EFCAB6: variants seen among roughly 807,000 people sequenced by gnomAD.
The protein encoded by EFCAB6 is EF-hand calcium-binding domain-containing protein 6.
In EFCAB6, 156 loss-of-function variants were observed where a neutral mutation model predicts 169.8. That is an observed-to-expected ratio of 0.92 (90% confidence interval 0.81 to 1.05). The LOEUF (loss-of-function observed/expected upper bound fraction) is 1.05. EFCAB6 is among the 50% of genes least tolerant of loss of function. EFCAB6 has a pLI of 0.00. For missense variants in EFCAB6, 1,800 were observed against 1,829.1 expected (o/e 0.98, Z 0.29); for synonymous variants, 698 against 676.4 (o/e 1.03, Z -0.50).
chr22:43,615,921 G>C lies in EFCAB6; in HGVS notation c.2467C>G (p.Pro823Ala). 1 of 1,610,862 alleles carries C rather than the reference G, an allele frequency of 6.2e-7. No homozygotes were observed. Reference protein sequence around the residue: ...TDEAPQRLIRPKQKVADSELA... With the variant: ...TDEAPQRLIRAKQKVADSELA... ...TCTGAATCCGCAACCTTCTGTTTTG[G>C]TCTTAAAAGAAAAAAAATAATAAAT... is the stretch of plus-strand genomic sequence containing the variant. Residue 823 changes from proline to alanine, a missense_variant and splice_region_variant, in exon 21 of 32, where the codon CCA becomes GCA. Transcript: ENST00000262726.
rs1476124724 is a variant in EFCAB6, at chr22:43,580,572, G to C, written c.3120C>G (p.Pro1040=). ...VENSKSTGAQ[P]KEKEESMPIN... ...TTGGCATGCTCTCTTCTTTTTCCTT[G>C]GGCTGAGCTCCTGTTGACTTGCTGT... is the stretch of plus-strand genomic sequence containing the variant. Residue 1040 remains proline, a synonymous_variant, in exon 25 of 32, where the codon CCC becomes CCG. Coordinates refer to ENST00000262726, the MANE Select transcript of EFCAB6 (RefSeq NM_022785.4). 1.2e-6 allele frequency: 2 copies of C among 1,613,910 alleles called. No individual in the cohort carries two copies. Among genetic ancestry groups the C allele is most frequent in the Non-Finnish European group, 1.7e-6 (2 of 1,180,014 alleles).
rs141856985 is a variant in EFCAB6 at position 43,667,168 on chromosome 22, T to C, written c.1919A>G (p.Lys640Arg). Residue 640 changes from lysine to arginine, a missense_variant, in exon 17 of 32, where the codon AAA becomes AGA. Physicochemically the swap from Lys to Arg is conservative, Grantham distance 26. Coordinates refer to ENST00000262726, the MANE Select transcript of EFCAB6 (RefSeq NM_022785.4). The stretch of plus-strand genomic sequence containing the variant: ...CTTGCTGAAGTCAAGAAATCGTTTT[T>C]TGAATGCCGGGTCCTGCTGCTGTAT... Reference protein sequence around the residue: ...KCIQQQDPAFKKRFLDFSKEP... With the variant: ...KCIQQQDPAFRKRFLDFSKEP... The C allele has an allele frequency of 1.4e-3, 2,219 of 1,614,198 alleles. 7 individuals carry two copies. The highest frequency in any genetic ancestry group is 2.9e-3 in the South Asian group (260 of 91,080).
At chr22:43,620,047 A>G (rs5764161) in intron 20 of EFCAB6, among the ~76,000 whole-genome samples, 113,424 of 152,172 alleles carry the variant, frequency 0.75, 42,415 homozygotes, top group Admixed American at 0.81. Context: ...GTCTGGCGCA[A>G]TGGCTCATGC....
rs1010525165 is a variant in EFCAB6, at chr22:43,598,617, T to C, written c.2876+1452A>G. On this transcript the variant is annotated intron_variant, in intron 23 of 31. Coordinates refer to ENST00000262726, the MANE Select transcript of EFCAB6 (RefSeq NM_022785.4). ...ATATTTCAAAGTAGCTAGATTTAATTGTATATTTAAAAATATCTAAAAGAG... is the reference window on the plus strand; with the variant it reads ...ATATTTCAAAGTAGCTAGATTTAATCGTATATTTAAAAATATCTAAAAGAG... Among the ~76,000 whole-genome samples the C allele has an allele frequency of 2.0e-5, 3 of 152,300 alleles. No homozygotes were observed. In the South Asian group the frequency reaches 6.2e-4, roughly 32 times the overall value.
intron 23 of EFCAB6, among the ~76,000 whole-genome samples, chr22:43,594,371 C>T (rs545354799): frequency 2.6e-4 from 39 of 150,988 alleles, no homozygotes; most frequent in Non-Finnish European, 5.0e-4. Context: ...AAAAACAAGA[C>T]CCAACTATAT....
rs1361382342 is a variant in EFCAB6 at position 43,772,989 on chromosome 22, C to A, written c.254G>T (p.Gly85Val). The A allele has an allele frequency of 4.3e-6, 7 of 1,614,096 alleles. No homozygotes were observed. The Admixed American group carries it at 1.2e-4, about 27-fold the overall frequency. The change falls in exon 4 of 32, where the codon GGT (glycine) becomes GTT (valine). Residue 85 changes from glycine (G) to valine (V), a missense_variant. Transcript: ENST00000262726. ...ACTTTTTGACACAGTCAAGTTCTGA[C>A]CAGTATCCAGCAGCTGAAAGGCTTT... Reference protein sequence around the residue: ...LQKAFQLLDTGQNLTVSKSEL... With the variant: ...LQKAFQLLDTVQNLTVSKSEL...
At chr22:43,770,004 G>T (rs1388482954) in intron 4 of EFCAB6, among the ~76,000 whole-genome samples, 2 of 152,012 alleles carry the variant, frequency 1.3e-5, no homozygotes, top group African/African-American at 2.4e-5. Flanking sequence ...ACAGGCATGT[G>T]CCACCATGTC....
At position 43,667,143 on chromosome 22, in the gene EFCAB6, CT is replaced by C. The variant is rs1174723403; in HGVS notation, c.1943del (p.Lys648ArgfsTer31). 2.5e-6 allele frequency: 4 copies of C among 1,613,952 alleles called. No homozygotes were observed. Among genetic ancestry groups the C allele is most frequent in the Non-Finnish European group, 3.4e-6 (4 of 1,180,006 alleles). On this transcript the variant is annotated frameshift_variant, in exon 17 of 32. Transcript: ENST00000262726. LOFTEE classifies it high-confidence loss of function. ...AFKKRFLDFS[K>X]EPNGKINVHD... is the part of the protein sequence containing the mutation. The stretch of plus-strand genomic sequence containing the variant: ...GCACGTTAATTTTTCCATTAGGCTC[CT>C]TGCTGAAGTCAAGAAATCGTTTTTT...
chr22:43,678,205 A>AC, intron 12 of EFCAB6, 42 bp from the exon 13 acceptor site: 1 of 1,563,438 alleles, frequency 6.4e-7, no homozygotes, highest in Non-Finnish European at 8.6e-7. Context: ...TGAAAAAAAA[A>AC]AAAAAAGGAA....
At chr22:43,576,517 G>C in intron 25 of EFCAB6, 29 bp from the exon 26 acceptor site, 1 of 1,497,128 alleles carries the variant, frequency 6.7e-7, no homozygotes, top group Non-Finnish European at 8.9e-7. Flanking sequence ...AAAAAAGATG[G>C]CAAATCCTGT....
chr22:43,635,015 C>G, intron 18 of EFCAB6, 87 bp downstream of exon 18: 1 of 1,026,682 alleles, frequency 9.7e-7, no homozygotes, highest in Non-Finnish European at 1.5e-6. Context: ...GCTACTTCAA[C>G]CCGAGTGGCC....
rs201695712 is a variant in EFCAB6, at chr22:43,580,625, A to G, written c.3067T>C (p.Tyr1023His). Residue 1023 changes from tyrosine to histidine, a missense_variant, in exon 25 of 32, where the codon TAC becomes CAC. Tyr to His is a moderately conservative substitution (Grantham distance 83). Transcript: ENST00000262726. The part of the protein sequence containing the change: ...GVSRHDNAIN[Y>H]LDFLRAVENS... ...TCCACTGCTCTCAGGAAGTCGAGGT[A>G]ATTGATAGCATTATCATGCCGGCTG... 3.1e-6 allele frequency: 5 copies of G among 1,614,170 alleles called. No homozygotes were observed. The highest frequency in any genetic ancestry group is 1.7e-5 in the Admixed American group (1 of 60,022).
At position 43,582,242 on chromosome 22, in the gene EFCAB6, G is replaced by A. The variant is rs185271096; in HGVS notation, c.3033-1583C>T. On this transcript the variant is annotated intron_variant, in intron 24 of 31. Coordinates refer to ENST00000262726, the MANE Select transcript of EFCAB6 (RefSeq NM_022785.4). ...ATTCATTGAATGCATATGAATTCTT[G>A]TTCAGCTGGAAATAGATTCAGTGAA... is the stretch of plus-strand genomic sequence containing the variant. Among the ~76,000 whole-genome samples, 3 of 152,074 alleles carry A rather than the reference G, an allele frequency of 2.0e-5. No homozygotes were observed. The East Asian group carries it at 5.8e-4, about 29-fold the overall frequency.
intron 4 of EFCAB6, among the ~76,000 whole-genome samples, chr22:43,768,584 C>T (rs1394492717): frequency 6.6e-6 from 1 of 152,184 alleles, no homozygotes; most frequent in Non-Finnish European, 1.5e-5. Context: ...CACACTCCAG[C>T]CTCCTTGATT....
At chr22:43,665,232 C>T (rs2148188094) in intron 17 of EFCAB6, among the ~76,000 whole-genome samples, 1 of 152,244 alleles carries the variant, frequency 6.6e-6, no homozygotes, top group East Asian at 1.9e-4. Context: ...GGGACATGAA[C>T]TCAGGAGACG....
chr22:43,699,718 C>T (rs1040838504), intron 10 of EFCAB6, among the ~76,000 whole-genome samples: 1 of 152,160 alleles, frequency 6.6e-6, no homozygotes, highest in African/African-American at 2.4e-5. Flanking sequence ...TCCAAAATGT[C>T]ATATAAGTAG....
intron 17 of EFCAB6, among the ~76,000 whole-genome samples, chr22:43,663,793 C>T (rs542837071): frequency 1.3e-3 from 191 of 152,336 alleles, no homozygotes; most frequent in Middle Eastern, 3.4e-3. Flanking sequence ...TGCCCTCTTG[C>T]TGCCGTGAGA....
At chr22:43,556,548 G>A (rs1602239397) in intron 26 of EFCAB6, among the ~76,000 whole-genome samples, 1 of 152,290 alleles carries the variant, frequency 6.6e-6, no homozygotes, top group Middle Eastern at 3.4e-3. Flanking sequence ...GGTTTCACCG[G>A]AGTATCACTT....
At chr22:43,725,990 G>A (rs1569445614) in intron 8 of EFCAB6, among the ~76,000 whole-genome samples, 1 of 152,176 alleles carries the variant, frequency 6.6e-6, no homozygotes, top group African/African-American at 2.4e-5. Context: ...GCTTTAGACT[G>A]TGGTACCAGT....
Sources: allele counts gnomAD v4.1 joint callset (sites outside exome capture counted in the v4.1 genomes callset), GRCh38; gene constraint gnomAD v4.1.1; transcripts MANE v1.5; gene names NCBI Gene and HGNC (gene_info 2026-07-23, HGNC 2026-07-21).